CAPRIN1: variants seen among roughly 807,000 people sequenced by gnomAD.
The protein encoded by CAPRIN1 is cell cycle associated protein 1, also known as caprin-1.
CAPRIN1 carries 29 observed loss-of-function variants against 100.9 expected under a neutral mutation model. That is an observed-to-expected ratio of 0.29 (90% CI 0.21 to 0.39). The LOEUF is 0.39. Among genes scored for constraint, CAPRIN1 ranks in the 10% least tolerant of loss-of-function variants. The pLI is 1.00. For synonymous variants in CAPRIN1, 338 were observed against 307.5 expected (o/e 1.10, Z -1.04); for missense variants, 795 against 876.7 (o/e 0.91, Z 1.18).
intron 9 of CAPRIN1, among the ~76,000 whole-genome samples, chr11:34,083,713 G>A (rs1283630296): frequency 1.3e-5 from 2 of 152,150 alleles, no homozygotes; most frequent in African/African-American, 4.8e-5. Flanking sequence ...CAAGGTGCAG[G>A]AAAATAGCTG....
At chr11:34,091,667 T>A in intron 14 of CAPRIN1, 1 of 321,194 alleles carries the variant, frequency 3.1e-6, no homozygotes, top group Non-Finnish European at 5.6e-6. Flanking sequence ...TTATTTTTTT[T>A]AATTCCCTAC....
chr11:34,096,283 C>G, intron 15 of CAPRIN1, 196 bp from the exon 16 acceptor site: 1 of 444,670 alleles, frequency 2.2e-6, no homozygotes, highest in Non-Finnish European at 3.9e-6. Context: ...AGAATTTTAC[C>G]CCCAATAGCT....
At chr11:34,059,869 TAGA>T (rs1015881090) in intron 2 of CAPRIN1, among the ~76,000 whole-genome samples, 2 of 143,188 alleles carry the variant, frequency 1.4e-5, no homozygotes, top group Admixed American at 7.6e-5. Flanking sequence ...AGTAGGCAAG[TAGA>T]AGAATACTTT....
rs753919207 is a variant in CAPRIN1 at position 34,099,314 on chromosome 11, C to G, written c.2077C>G (p.Pro693Ala). 1.2e-6 allele frequency: 2 copies of G among 1,613,298 alleles called. No individual in the cohort carries two copies. The highest frequency in any genetic ancestry group is 1.1e-5 in the South Asian group (1 of 91,038). Residue 693 changes from proline to alanine, a missense_variant, in exon 19 of 19, where the codon CCC (proline) becomes GCC (alanine). Physicochemically the swap from Pro to Ala is conservative, Grantham distance 27. Around this residue, in one of 3 missense-constraint regions of CAPRIN1, gnomAD observed 648 missense variants for 697.9 expected, o/e 0.93. Transcript: ENST00000341394. ...TTTTTGTCTTCTAGGTCGTGGAGGG[C>G]CCCCAAGACCCAACAGAGGGATGCC... ...PRGAPRGRGG[P>A]PRPNRGMPQM...
intron 2 of CAPRIN1, chr11:34,056,435 T>C (rs913432364): frequency 2.6e-5 from 4 of 152,210 alleles, no homozygotes; most frequent in African/African-American, 9.6e-5. Context: ...TGATGAAATA[T>C]GATCGTGTTA....
At chr11:34,070,142 TTTG>T (rs1850781034) in intron 2 of CAPRIN1, among the ~76,000 whole-genome samples, 1 of 152,226 alleles carries the variant, frequency 6.6e-6, no homozygotes, top group Non-Finnish European at 1.5e-5. Flanking sequence ...ATAATAATAG[TTTG>T]TGACTCTGTT....
intron 11 of CAPRIN1, among the ~76,000 whole-genome samples, chr11:34,088,554 G>C (rs1329211224): frequency 6.6e-6 from 1 of 152,014 alleles, no homozygotes; most frequent in Non-Finnish European, 1.5e-5. Context: ...TGCATCTATA[G>C]TCCCAGCTAC....
chr11:34,052,985 CTG>C (rs1850361923), intron 2 of CAPRIN1: 1 of 1,065,298 alleles, frequency 9.4e-7, no homozygotes, highest in Non-Finnish European at 1.1e-6. Flanking sequence ...CTTTCCGTCT[CTG>C]AGGCCCGATT....
rs777218928 is a variant in CAPRIN1, at chr11:34,079,779, G to A, written c.826+14G>A. On this transcript the variant is annotated intron_variant, in intron 7 of 18. Coordinates refer to ENST00000341394, the MANE Select transcript of CAPRIN1 (RefSeq NM_005898.5). Reference sequence around the variant, plus strand: ...TACCTGAAGCTGGTGAGTATTAGGTGGATATCAACTTTAGTTTAGGGTCCT... The same window carrying A: ...TACCTGAAGCTGGTGAGTATTAGGTAGATATCAACTTTAGTTTAGGGTCCT... 2.4e-5 allele frequency: 38 copies of A among 1,601,236 alleles called. No homozygotes were observed. The South Asian group carries it at 3.5e-4, about 15-fold the overall frequency.
intron 15 of CAPRIN1, among the ~76,000 whole-genome samples, chr11:34,093,170 G>A (rs142140991): frequency 1.1e-3 from 167 of 150,166 alleles, no homozygotes; most frequent in African/African-American, 3.9e-3. Flanking sequence ...TGTCTAGCTC[G>A]ATAGAGATAC....
chr11:34,053,146 C>G, intron 2 of CAPRIN1: 1 of 988,654 alleles, frequency 1.0e-6, no homozygotes, highest in Non-Finnish European at 1.2e-6. Context: ...CGAGCGTCCC[C>G]TCTTCTTCCG....
intron 2 of CAPRIN1, among the ~76,000 whole-genome samples, chr11:34,068,435 T>C (rs1196061687): frequency 2.6e-5 from 4 of 152,206 alleles, no homozygotes; most frequent in Non-Finnish European, 5.9e-5. Flanking sequence ...GAACAGTATG[T>C]GAGACTGCAT....
chr11:34,076,963 T>C (rs1243163296), intron 6 of CAPRIN1, among the ~76,000 whole-genome samples: 2 of 152,096 alleles, frequency 1.3e-5, no homozygotes, highest in Non-Finnish European at 2.9e-5. Context: ...TCGAACTCCT[T>C]ACCACAAATG....
rs897595384 is a variant in CAPRIN1, at chr11:34,101,344, G to C, written c.*1977G>C. 7.2e-5 allele frequency among the ~76,000 whole-genome samples: 11 copies of C among 152,160 alleles called. No individual in the cohort carries two copies. The highest frequency in any genetic ancestry group is 2.7e-4 in the African/African-American group (11 of 41,438). On this transcript the variant is annotated 3_prime_UTR_variant, in exon 19 of 19. Transcript: ENST00000341394. ...TTTGTGGTTTACTGGGTAATCCCTA[G>C]ATGATGTATGCTTGCAGTCCTATAT...
rs554552497 is a variant in CAPRIN1 at position 34,086,679 on chromosome 11, C to A, written c.1231+266C>A. 2.0e-5 allele frequency among the ~76,000 whole-genome samples: 3 copies of A among 152,208 alleles called. No homozygotes were observed. In the South Asian group the frequency reaches 6.2e-4, roughly 32 times the overall value. On this transcript the variant is annotated intron_variant, in intron 11 of 18. Transcript: ENST00000341394. ...AATGAGTTTTTATAAACTGAAAACA[C>A]CTGCAGCTAGATTAAGAAATGAAAC...
At chr11:34,071,700 T>TAA in intron 2 of CAPRIN1, 26 bp from the exon 3 acceptor site, 1 of 1,553,196 alleles carries the variant, frequency 6.4e-7, no homozygotes, top group Non-Finnish European at 8.9e-7. Flanking sequence ...AAACGGAATG[T>TAA]AATTCTTTTT....
intron 4 of CAPRIN1, among the ~76,000 whole-genome samples, chr11:34,075,039 T>G (rs1047948589): frequency 6.6e-6 from 1 of 152,084 alleles, no homozygotes; most frequent in African/African-American, 2.4e-5. Flanking sequence ...TTAAATTATT[T>G]TTTTAAAAAA....
At chr11:34,068,857 C>T (rs1850752209) in intron 2 of CAPRIN1, among the ~76,000 whole-genome samples, 1 of 152,072 alleles carries the variant, frequency 6.6e-6, no homozygotes, top group Non-Finnish European at 1.5e-5. Flanking sequence ...ATTCTACCTC[C>T]ATTTTGGTTA....
chr11:34,084,979 A>G (rs1225314413), intron 9 of CAPRIN1, among the ~76,000 whole-genome samples: 2 of 151,964 alleles, frequency 1.3e-5, no homozygotes, highest in African/African-American at 2.4e-5. Flanking sequence ...AAGGCTATCC[A>G]CATGAGATTC....
Sources: gnomAD v4.1 joint callset for allele counts (sites outside exome capture counted in the v4.1 genomes callset) on GRCh38, gnomAD v4.1.1 for gene constraint, gnomAD v4.1.1 regional missense constraint, MANE v1.5 for transcripts, NCBI Gene and HGNC (gene_info 2026-07-23, HGNC 2026-07-21) for gene names.